EDIL3: variants seen among roughly 807,000 people sequenced by gnomAD.
The protein encoded by EDIL3 is EGF-like repeat and discoidin I-like domain-containing protein 3.
A neutral mutation model predicts 67.4 loss-of-function variants in EDIL3; 37 were observed. The observed-to-expected ratio is 0.55, with a 90% CI of 0.42 to 0.72. EDIL3 has a LOEUF of 0.72. EDIL3 is among the 30% of genes least tolerant of loss of function. The pLI is 0.00. For synonymous variants in EDIL3, 195 were observed against 196.3 expected, an observed-to-expected ratio of 0.99 and a Z score of 0.05; for missense variants, 527 against 586.3, an observed-to-expected ratio of 0.90 and a Z score of 1.04.
At chr5:84,030,661 A>G (rs1346164647) in intron 9 of EDIL3, among the ~76,000 whole-genome samples, 1 of 152,204 alleles carries the variant, frequency 6.6e-6, no homozygotes, top group Admixed American at 6.5e-5. Flanking sequence ...CAGAATTGGT[A>G]TCCTAGTATC....
At chr5:84,296,938 T>G (rs1561249072) in intron 1 of EDIL3, among the ~76,000 whole-genome samples, 1 of 151,926 alleles carries the variant, frequency 6.6e-6, no homozygotes, top group Non-Finnish European at 1.5e-5. Context: ...ATCCCAGCAC[T>G]TTGGGAGGCT....
intron 3 of EDIL3, among the ~76,000 whole-genome samples, chr5:84,227,156 A>G (rs1272674398): frequency 6.6e-6 from 1 of 151,974 alleles, no homozygotes; most frequent in Non-Finnish European, 1.5e-5. Context: ...AGAAAGTCCA[A>G]TTAAAGTTAA....
intron 9 of EDIL3, among the ~76,000 whole-genome samples, chr5:84,044,604 C>G (rs561343227): frequency 1.1e-4 from 16 of 152,084 alleles, no homozygotes; most frequent in African/African-American, 3.9e-4. Flanking sequence ...CAGAAGAACC[C>G]AAATCTCGTA....
chr5:84,117,849 A>G (rs1046899618), intron 5 of EDIL3, among the ~76,000 whole-genome samples: 2 of 152,180 alleles, frequency 1.3e-5, no homozygotes, highest in Admixed American at 6.5e-5. Flanking sequence ...TAGGGACTAT[A>G]AAGTCACAAA....
chr5:84,062,163 T>C (rs1383143523), intron 8 of EDIL3, among the ~76,000 whole-genome samples: 1 of 152,082 alleles, frequency 6.6e-6, no homozygotes, highest in Non-Finnish European at 1.5e-5. Flanking sequence ...TACCTGTATA[T>C]TCTGGGTGAA....
intron 9 of EDIL3, among the ~76,000 whole-genome samples, chr5:84,040,354 T>C (rs1746097982): frequency 6.6e-6 from 1 of 152,282 alleles, no homozygotes; most frequent in South Asian, 2.1e-4. Context: ...TCACTGATCA[T>C]ATTTTCTCTC....
intron 3 of EDIL3, among the ~76,000 whole-genome samples, chr5:84,210,667 CAG>C (rs1744100878): frequency 6.6e-6 from 1 of 152,050 alleles, no homozygotes; most frequent in Non-Finnish European, 1.5e-5. Flanking sequence ...TTAGAACACA[CAG>C]AGTTACCACT....
chr5:84,273,706 T>C (rs1352971526), intron 1 of EDIL3, among the ~76,000 whole-genome samples: 1 of 152,112 alleles, frequency 6.6e-6, no homozygotes, highest in Non-Finnish European at 1.5e-5. Context: ...TTAATGTCTA[T>C]TTTCACTTCA....
chr5:84,257,953 G>T (rs2112080852), intron 1 of EDIL3, among the ~76,000 whole-genome samples: 1 of 152,114 alleles, frequency 6.6e-6, no homozygotes, highest in East Asian at 1.9e-4. Flanking sequence ...TTGTAGCCCG[G>T]TATAAATGTT....
chr5:84,188,328 C>T (rs1434218099), intron 3 of EDIL3, among the ~76,000 whole-genome samples: 2 of 151,934 alleles, frequency 1.3e-5, no homozygotes, highest in Non-Finnish European at 1.5e-5. Flanking sequence ...CAGAGCCAGA[C>T]TCCCTTTGAA....
intron 3 of EDIL3, among the ~76,000 whole-genome samples, chr5:84,223,871 T>C (rs1324809742): frequency 6.6e-6 from 1 of 151,534 alleles, no homozygotes; most frequent in African/African-American, 2.4e-5. Flanking sequence ...ACACATCACA[T>C]TGTATACCTT....
chr5:84,075,874 GTGCAAAAGTGTGCACGCA>G (rs1746844070), intron 6 of EDIL3, among the ~76,000 whole-genome samples: 2 of 124,834 alleles, frequency 1.6e-5, no homozygotes, highest in East Asian at 4.9e-4. Context: ...GTACAAACAC[GTGCAAAAGTGTGCACGCA>G]CACACACACA....
At chr5:84,239,935 T>C (rs540854401) in intron 2 of EDIL3, among the ~76,000 whole-genome samples, 19 of 152,318 alleles carry the variant, frequency 1.2e-4, no homozygotes, top group African/African-American at 4.6e-4. Context: ...AGAATATAAA[T>C]ATTTTGTAGT....
At chr5:84,100,150 T>C (rs937641184) in intron 6 of EDIL3, among the ~76,000 whole-genome samples, 20 of 152,272 alleles carry the variant, frequency 1.3e-4, no homozygotes, top group African/African-American at 4.6e-4. Context: ...AGTTCAACCA[T>C]TGTGGAAGAC....
At position 84,064,754 on chromosome 5, in the gene EDIL3, C is replaced by T; in HGVS notation, c.898G>A (p.Val300Ile). Residue 300 changes from valine to isoleucine, a missense_variant, in exon 8 of 11, where the codon GTT becomes ATT. Val to Ile is a conservative substitution (Grantham distance 29). Around this residue, in one of 2 missense-constraint regions of EDIL3, gnomAD observed 494 missense variants for 522.5 expected, o/e 0.95. Coordinates refer to ENST00000296591, the MANE Select transcript of EDIL3 (RefSeq NM_005711.5). The stretch of plus-strand genomic sequence containing the variant: ...CGCAAAGTGCAATGTCTTCGACAAA[C>T]TTGGGGATAGAGTCTTACATACTGA... ...KAQYVRLYPQ[V>I]CRRHCTLRME... 1.9e-6 allele frequency: 3 copies of T among 1,613,694 alleles called. No individual in the cohort carries two copies. Among genetic ancestry groups the T allele is most frequent in the Non-Finnish European group, 2.5e-6 (3 of 1,179,726 alleles).
intron 9 of EDIL3, among the ~76,000 whole-genome samples, chr5:84,014,300 G>A (rs1480383498): frequency 1.3e-5 from 2 of 152,094 alleles, no homozygotes; most frequent in African/African-American, 4.8e-5. Context: ...CTCAACTTCT[G>A]GTAGCATGGA....
chr5:84,087,803 T>C lies in EDIL3; in HGVS notation c.651+18846A>G, dbSNP rs558189264. On this transcript the variant is annotated intron_variant, in intron 6 of 10. Coordinates refer to ENST00000296591, the MANE Select transcript of EDIL3 (RefSeq NM_005711.5). ...AATGGAATCTAGTTGAGGAGAGGGATAGGGTTAGGGAAAGCTTCCCTGAGG... is the reference window on the plus strand; with the variant it reads ...AATGGAATCTAGTTGAGGAGAGGGACAGGGTTAGGGAAAGCTTCCCTGAGG... Among the ~76,000 whole-genome samples, 20 of 152,190 alleles carry C rather than the reference T, an allele frequency of 1.3e-4. No individual in the cohort carries two copies. The South Asian group carries it at 3.5e-3, about 27-fold the overall frequency.
intron 3 of EDIL3, among the ~76,000 whole-genome samples, chr5:84,205,311 C>T (rs1743947132): frequency 6.6e-6 from 1 of 151,930 alleles, no homozygotes; most frequent in Non-Finnish European, 1.5e-5. Flanking sequence ...TTAGACACCC[C>T]TAAAATACAT....
chr5:84,363,121 C>T (rs971059824), intron 1 of EDIL3, among the ~76,000 whole-genome samples: 10 of 152,014 alleles, frequency 6.6e-5, no homozygotes, highest in African/African-American at 2.4e-4. Flanking sequence ...TATATATTTA[C>T]AGTTCCTAGA....
Sources: gnomAD v4.1 joint callset for allele counts (sites outside exome capture counted in the v4.1 genomes callset) on GRCh38, gnomAD v4.1.1 for gene constraint, gnomAD v4.1.1 regional missense constraint, MANE v1.5 for transcripts, NCBI Gene and HGNC (gene_info 2026-07-23, HGNC 2026-07-21) for gene names.